Variants in FCER2 observed in about 807,000 individuals in gnomAD.
FCER2 encodes low affinity immunoglobulin epsilon Fc receptor.
In FCER2, 38 loss-of-function variants were observed where a neutral mutation model predicts 49.7. That is an observed-to-expected ratio of 0.76 (90% CI 0.59 to 1.00). The LOEUF (loss-of-function observed/expected upper bound fraction) is 1.00. FCER2 is among the 50% of genes least tolerant of loss of function. FCER2 has a pLI of 0.00. For synonymous variants in FCER2, 163 were observed against 164.6 expected (o/e 0.99, Z 0.07); for missense variants, 425 against 419.5 (o/e 1.01, Z -0.11).
intron 8 of FCER2, among the ~76,000 whole-genome samples, chr19:7,690,802 G>A (rs894838846): frequency 1.3e-5 from 2 of 151,902 alleles, no homozygotes; most frequent in Admixed American, 6.6e-5. Flanking sequence ...AGCAGAGCAC[G>A]GTGTCGACCA....
rs551693338 is a variant in FCER2, at chr19:7,697,649, G to A, written c.191-60C>T. The A allele has an allele frequency of 2.5e-5, 35 of 1,403,756 alleles. No homozygotes were observed. The South Asian group carries it at 2.9e-4, about 12-fold the overall frequency. 87.0% of individuals were successfully genotyped at this position (1,403,756 alleles called of 1,614,324 possible). ...CCTCAAAGGCAGGTCCTTGGACCCC[G>A]CCTATGCCCCAGGCTCAGGGACCCT... is the stretch of plus-strand genomic sequence containing the variant. On this transcript the variant is annotated intron_variant, in intron 4 of 10. Transcript: ENST00000597921.
At position 7,690,217 on chromosome 19, in the gene FCER2, G is replaced by C. The variant is rs201998118; in HGVS notation, c.670C>G (p.Arg224Gly). Residue 224 changes from arginine (R) to glycine (G), a missense_variant, in exon 10 of 11, where the codon CGG (arginine) becomes GGG (glycine). Arg to Gly is a moderately radical substitution (Grantham distance 125). Coordinates refer to ENST00000597921, the MANE Select transcript of FCER2 (RefSeq NM_001220500.2). ...AACTCCCCCTTCAGGTCCAAGTTCC[G>C]AAGGCCAATCCAGGAGCCGGTGTGG... ...ASHTGSWIGLRNLDLKGEFIW... is the reference protein window; with the variant it reads ...ASHTGSWIGLGNLDLKGEFIW... 1.9e-6 allele frequency: 3 copies of C among 1,614,044 alleles called. No homozygotes were observed. Among genetic ancestry groups the C allele is most frequent in the African/African-American group, 2.7e-5 (2 of 75,032 alleles).
chr19:7,689,145 T>G lies in FCER2; in HGVS notation c.*48A>C. ...CAGCCACAAAGAGGCTTTTAGGCCG[T>G]GGTTGGGGGTCTTCAGGGTCTTGCT... On this transcript the variant is annotated 3_prime_UTR_variant, in exon 11 of 11. Coordinates refer to ENST00000597921, the MANE Select transcript of FCER2 (RefSeq NM_001220500.2). The G allele has an allele frequency of 3.8e-6, 5 of 1,310,508 alleles. No individual in the cohort carries two copies. Among genetic ancestry groups the G allele is most frequent in the Non-Finnish European group, 4.4e-6 (4 of 916,052 alleles). The allele number at this position is 1,310,508 out of a possible 1,614,324, so 81.2% of individuals were successfully genotyped here.
chr19:7,691,713 C>G (rs2032876527), intron 8 of FCER2, among the ~76,000 whole-genome samples: 2 of 151,928 alleles, frequency 1.3e-5, no homozygotes, highest in Non-Finnish European at 2.9e-5. Context: ...TTACAGGCAG[C>G]TGAATATCAG....
rs780998455 is a variant in FCER2, at chr19:7,689,186, T to C, written c.*7A>G. ...GGGTCTTGCTCTGGGCCTGGCTGTA[T>C]CCATGCTCAAGAGTGGAGAGGGGCA... On this transcript the variant is annotated 3_prime_UTR_variant, in exon 11 of 11. Transcript: ENST00000597921. 5.0e-6 allele frequency: 8 copies of C among 1,587,196 alleles called. No homozygotes were observed. Among genetic ancestry groups the C allele is most frequent in the Non-Finnish European group, 6.1e-6 (7 of 1,156,410 alleles).
At chr19:7,692,660 ACAC>A (rs1195874638) in intron 8 of FCER2, among the ~76,000 whole-genome samples, 50 of 149,098 alleles carry the variant, frequency 3.4e-4, no homozygotes, top group African/African-American at 1.2e-3. Flanking sequence ...GTGGTTAGCA[ACAC>A]CTCAGCTGAC....
chr19:7,690,040 C>T (rs1026453854), intron 10 of FCER2, 119 bp downstream of exon 10: 3 of 703,894 alleles, frequency 4.3e-6, no homozygotes, highest in African/African-American at 3.6e-5. Context: ...TTCTCCCCTG[C>T]ACCCTAGAGA....
Position 7,688,876 on chromosome 19 carries a change from G to A in FCER2, c.*317C>T, listed in dbSNP as rs1227912112. ...GGTCCTGGGGTGCTGAGGAGATGGG[G>A]CTGCATCTGGAGAGGGTGCTGTTGG... On this transcript the variant is annotated 3_prime_UTR_variant, in exon 11 of 11. Coordinates refer to ENST00000597921, the MANE Select transcript of FCER2 (RefSeq NM_001220500.2). The A allele has an allele frequency of 8.5e-6, 3 of 352,880 alleles. No individual in the cohort carries two copies. The highest frequency in any genetic ancestry group is 5.2e-5 in the East Asian group (1 of 19,330). 21.9% of individuals were successfully genotyped at this position (352,880 alleles called of 1,614,324 possible). A position where few individuals can be genotyped will look rare whatever the true frequency, so the allele number is the denominator to read the frequency against.
Position 7,689,037 on chromosome 19 carries a change from C to G in FCER2, c.*156G>C. The G allele has an allele frequency of 1.6e-6, 1 of 618,068 alleles. No individual in the cohort carries two copies. Among genetic ancestry groups the G allele is most frequent in the African/African-American group, 1.8e-5 (1 of 54,272 alleles). The allele number at this position is 618,068 out of a possible 1,614,324, so 38.3% of individuals were successfully genotyped here. A position where few individuals can be genotyped will look rare whatever the true frequency, so the allele number is the denominator to read the frequency against. On this transcript the variant is annotated 3_prime_UTR_variant, in exon 11 of 11. Transcript: ENST00000597921. ...GGAGAGGGTGCTGTTGGGGTGTACT[C>G]CTGGGAAGGCAGGGGCCATAGAGGA... is the stretch of plus-strand genomic sequence containing the variant.
intron 8 of FCER2, among the ~76,000 whole-genome samples, chr19:7,694,583 G>T (rs189294179): frequency 8.2e-4 from 125 of 152,266 alleles, no homozygotes; most frequent in Admixed American, 2.5e-3. Flanking sequence ...CCTGTCAGAA[G>T]TTGTCATGGT....
rs555360806 is a variant in FCER2 at position 7,688,936 on chromosome 19, T to G, written c.*257A>C. On this transcript the variant is annotated 3_prime_UTR_variant, in exon 11 of 11. Coordinates refer to ENST00000597921, the MANE Select transcript of FCER2 (RefSeq NM_001220500.2). ...TCATCTGGAGAGGGTGCTGTTGGGG[T>G]GTACTCTCATCTGGAGAGGGTGCTG... 1 of 451,856 alleles carries G rather than the reference T, an allele frequency of 2.2e-6. No individual in the cohort carries two copies. Among genetic ancestry groups the G allele is most frequent in the Non-Finnish European group, 4.1e-6 (1 of 245,640 alleles). The allele number at this position is 451,856 out of a possible 1,614,324, so 28.0% of individuals were successfully genotyped here. A position where few individuals can be genotyped will look rare whatever the true frequency, so the allele number is the denominator to read the frequency against.
intron 1 of FCER2, 73 bp from the exon 2 acceptor site, chr19:7,699,918 C>T: frequency 1.4e-6 from 1 of 706,956 alleles, no homozygotes; most frequent in East Asian, 2.7e-5. Context: ...GCATCTGGGA[C>T]TTGGTGGCAC....
chr19:7,698,325 C>CCCCA, intron 4 of FCER2, 31 bp downstream of exon 4: 1 of 1,525,408 alleles, frequency 6.6e-7, no homozygotes, highest in Non-Finnish European at 8.9e-7. Context: ...TAACCCTCAC[C>CCCCA]CCCACCCCCT....
intron 8 of FCER2, 32 bp from the exon 9 acceptor site, chr19:7,690,589 C>G: frequency 6.2e-7 from 1 of 1,604,854 alleles, no homozygotes; most frequent in South Asian, 1.1e-5. Context: ...GGGGTGGGGC[C>G]AATGGAAGTG....
intron 8 of FCER2, among the ~76,000 whole-genome samples, chr19:7,692,636 G>A (rs368621648): frequency 2.9e-5 from 2 of 68,250 alleles, no homozygotes; most frequent in South Asian, 5.1e-4. Flanking sequence ...TAACACCATC[G>A]CCATCAGCAC....
chr19:7,693,590 G>A (rs1242053314), intron 8 of FCER2, among the ~76,000 whole-genome samples: 1 of 151,958 alleles, frequency 6.6e-6, no homozygotes, highest in Non-Finnish European at 1.5e-5. Context: ...TAAGTAAGTA[G>A]GTTTTCCTAT....
chr19:7,697,671 C>A, intron 4 of FCER2, 82 bp from the exon 5 acceptor site: 1 of 1,098,652 alleles, frequency 9.1e-7, no homozygotes, highest in Non-Finnish European at 1.4e-6. Flanking sequence ...GGCTCAGGGA[C>A]CCTCTCACAT....
Position 7,689,367 on chromosome 19 carries a change from G to A in FCER2, c.792C>T (p.Gly264=). 6.2e-7 allele frequency: 1 copy of A among 1,609,934 alleles called. No individual in the cohort carries two copies. The highest frequency in any genetic ancestry group is 8.5e-7 in the Non-Finnish European group (1 of 1,178,664). Residue 264 remains glycine (G), a synonymous_variant, in exon 11 of 11, where the codon GGC becomes GGT. Coordinates refer to ENST00000597921, the MANE Select transcript of FCER2 (RefSeq NM_001220500.2). ...SQGEDCVMMR[G]SGRWNDAFCD... ...AGAAGGCGTCGTTCCAGCGACCGGA[G>A]CCCCGCATCATCACGCAGTCCTCGC...
intron 8 of FCER2, among the ~76,000 whole-genome samples, chr19:7,691,213 CCAA>C (rs1338001490): frequency 2.0e-5 from 3 of 152,152 alleles, no homozygotes; most frequent in Non-Finnish European, 2.9e-5. Flanking sequence ...GCATTCATGT[CCAA>C]CAACACTTCA....
Sources: allele counts gnomAD v4.1 joint callset (sites outside exome capture counted in the v4.1 genomes callset), GRCh38; gene constraint gnomAD v4.1.1; transcripts MANE v1.5; gene names NCBI Gene and HGNC (gene_info 2026-07-23, HGNC 2026-07-21).